The following PTN variants were observed in gnomAD, a reference collection of about 807,000 sequenced individuals.
PTN encodes pleiotrophin.
In PTN, 18 loss-of-function variants were observed where a neutral mutation model predicts 24.1. The ratio of observed to expected loss-of-function variants is 0.75; its 90% CI spans 0.52 to 1.11. PTN has a LOEUF of 1.11. Among genes scored for constraint, PTN ranks in the 50% least tolerant of loss-of-function variants. PTN has a pLI of 0.00. For missense variants in PTN, 163 were observed against 198.8 expected, an observed-to-expected ratio of 0.82 and a Z score of 1.08; for synonymous variants, 78 against 68.6, an observed-to-expected ratio of 1.14 and a Z score of -0.67.
At chr7:137,230,910 T>C (rs374927156) in intron 4 of PTN, among the ~76,000 whole-genome samples, 9 of 151,894 alleles carry the variant, frequency 5.9e-5, no homozygotes, top group Non-Finnish European at 8.8e-5. Context: ...TCTTTGTCTG[T>C]TTTTCTCTCT....
At position 137,311,819 on chromosome 7, in the gene PTN, C is replaced by G. The variant is rs1024241110; in HGVS notation, c.-2+31620G>C. Among the ~76,000 whole-genome samples, 2 of 128,344 alleles carry G rather than the reference C, an allele frequency of 1.6e-5. 1 individual carries two copies. Among genetic ancestry groups the G allele is most frequent in the African/African-American group, 1.0e-4 (2 of 19,456 alleles). The allele number at this position is 128,344 out of a possible 152,430, so 84.2% of individuals were successfully genotyped here. ...CACTGATCACAGATCACCATAAGGA[C>G]ATAATGGTAATAAAAATTTTGAAAT... is the stretch of plus-strand genomic sequence containing the variant. On this transcript the variant is annotated intron_variant, in intron 1 of 4. Transcript: ENST00000348225.
At chr7:137,255,042 C>T (rs1808897123) in intron 1 of PTN, 68 bp from the exon 2 acceptor site, 2 of 1,122,168 alleles carry the variant, frequency 1.8e-6, no homozygotes, top group East Asian at 2.5e-5. Context: ...TTCATTGAAC[C>T]CTTGATGAAA....
chr7:137,252,063 T>C lies in PTN; in HGVS notation c.290-672A>G, dbSNP rs117063723. Among the ~76,000 whole-genome samples, 55 of 152,072 alleles carry C rather than the reference T, an allele frequency of 3.6e-4. No individual in the cohort carries two copies. In the East Asian group the frequency reaches 6.5e-3, roughly 18 times the overall value. ...GAGATAAATTACCAAGAAACTGCTG[T>C]GTTACATGGTAAATGCATGTTTCAT... is the stretch of plus-strand genomic sequence containing the variant. On this transcript the variant is annotated intron_variant, in intron 3 of 4. Coordinates refer to ENST00000348225, the MANE Select transcript of PTN (RefSeq NM_002825.7).
intron 2 of PTN, among the ~76,000 whole-genome samples, chr7:137,254,526 A>T (rs1445471595): frequency 1.4e-5 from 2 of 138,826 alleles, no homozygotes; most frequent in African/African-American, 6.3e-5. Flanking sequence ...AAGGAGAAAA[A>T]CAAGTTGCAG....
chr7:137,339,643 A>G (rs1810504108), intron 1 of PTN, among the ~76,000 whole-genome samples: 1 of 152,122 alleles, frequency 6.6e-6, no homozygotes, highest in African/African-American at 2.4e-5. Context: ...AACATCAGCT[A>G]GGAAGGTCCA....
intron 1 of PTN, among the ~76,000 whole-genome samples, chr7:137,280,500 G>A (rs1333838569): frequency 6.6e-6 from 1 of 151,134 alleles, no homozygotes; most frequent in Admixed American, 6.6e-5. Flanking sequence ...GTGAATTAGG[G>A]GACTTAAGGG....
rs181024120 is a variant in PTN at position 137,261,206 on chromosome 7, G to A, written c.-1-6232C>T. Reference sequence around the variant, plus strand: ...ATCTTTGAAGAATCTTTGTTTGTTCGTTTTGATAATAACAAATGATATTTT... The same window carrying A: ...ATCTTTGAAGAATCTTTGTTTGTTCATTTTGATAATAACAAATGATATTTT... On this transcript the variant is annotated intron_variant, in intron 1 of 4. Coordinates refer to ENST00000348225, the MANE Select transcript of PTN (RefSeq NM_002825.7). Among the ~76,000 whole-genome samples, 276 of 151,620 alleles carry A rather than the reference G, an allele frequency of 1.8e-3. 4 individuals are homozygous for A. The South Asian group carries it at 0.022, about 12-fold the overall frequency.
intron 1 of PTN, among the ~76,000 whole-genome samples, chr7:137,284,472 A>G (rs1809523634): frequency 6.6e-6 from 1 of 152,188 alleles, no homozygotes; most frequent in Admixed American, 6.5e-5. Context: ...CCTAAAGGCT[A>G]AAACTACCAT....
At chr7:137,264,972 ATTTT>A (rs34878730) in intron 1 of PTN, among the ~76,000 whole-genome samples, 1 of 124,922 alleles carries the variant, frequency 8.0e-6, no homozygotes, top group Non-Finnish European at 1.7e-5. Flanking sequence ...TCCAACTGCC[ATTTT>A]TTTTTTTTTT....
At chr7:137,297,610 C>T (rs1409980289) in intron 1 of PTN, among the ~76,000 whole-genome samples, 1 of 151,962 alleles carries the variant, frequency 6.6e-6, no homozygotes, top group Non-Finnish European at 1.5e-5. Context: ...GCCTGAGGAA[C>T]AACCTCTAAA....
chr7:137,243,444 G>C (rs1389945055), intron 4 of PTN, among the ~76,000 whole-genome samples: 1 of 152,138 alleles, frequency 6.6e-6, no homozygotes, highest in Non-Finnish European at 1.5e-5. Context: ...TAGCATCAAT[G>C]CATCATCTAG....
intron 1 of PTN, among the ~76,000 whole-genome samples, chr7:137,283,676 C>G (rs1014521233): frequency 6.6e-6 from 1 of 152,104 alleles, no homozygotes; most frequent in African/African-American, 2.4e-5. Flanking sequence ...CTTCACCATA[C>G]TTTTCGCAAT....
intron 4 of PTN, among the ~76,000 whole-genome samples, chr7:137,228,745 A>C (rs1481789544): frequency 6.6e-6 from 1 of 151,918 alleles, no homozygotes; most frequent in Non-Finnish European, 1.5e-5. Context: ...GATTTCAATC[A>C]AAAGACTCCA....
chr7:137,300,748 T>A (rs570534402), intron 1 of PTN, among the ~76,000 whole-genome samples: 2 of 152,034 alleles, frequency 1.3e-5, no homozygotes, highest in Admixed American at 1.3e-4. Flanking sequence ...TTCGTGTGTC[T>A]CAAATTCTCT....
At chr7:137,240,691 A>T (rs755972560) in intron 4 of PTN, among the ~76,000 whole-genome samples, 10 of 152,208 alleles carry the variant, frequency 6.6e-5, no homozygotes, top group Non-Finnish European at 1.3e-4. Context: ...TGTCTAGAGA[A>T]AGATCAGGCA....
chr7:137,233,895 C>CAT (rs1219086995), intron 4 of PTN, among the ~76,000 whole-genome samples: 1 of 150,490 alleles, frequency 6.6e-6, no homozygotes, highest in African/African-American at 2.5e-5. Context: ...AAGAAACACA[C>CAT]ACACACACAC....
In PTN at chr7:137,343,546, C is replaced by CG. The variant is rs768291843; in HGVS notation, c.-110dup. 5.8e-6 allele frequency: 3 copies of CG among 518,864 alleles called. No homozygotes were observed. The highest frequency in any genetic ancestry group is 1.2e-5 in the Non-Finnish European group (3 of 259,876). The allele number at this position is 518,864 out of a possible 1,614,324, so 32.1% of individuals were successfully genotyped here. A position where few individuals can be genotyped will look rare whatever the true frequency, so the allele number is the denominator to read the frequency against. On this transcript the variant is annotated 5_prime_UTR_variant, in exon 1 of 5. Transcript: ENST00000348225. ...GGCTCGCTGCAGCTCCTGCTTGGGCCGCTGCTGCTCTCCCCGCCTTCTGGA... is the reference window on the plus strand; with the variant it reads ...GGCTCGCTGCAGCTCCTGCTTGGGCCGGCTGCTGCTCTCCCCGCCTTCTGGA...
intron 1 of PTN, among the ~76,000 whole-genome samples, chr7:137,275,339 T>C (rs534392428): frequency 6.6e-6 from 1 of 152,266 alleles, no homozygotes; most frequent in Admixed American, 6.5e-5. Flanking sequence ...GAAGAAAGTA[T>C]GGTATAGATG....
intron 1 of PTN, among the ~76,000 whole-genome samples, chr7:137,324,417 T>TAAAAAAAAAAAAAAAAAAAA (rs1366943397): frequency 3.2e-5 from 2 of 63,474 alleles, no homozygotes; most frequent in African/African-American, 8.5e-5. Context: ...ACCCTGTCTC[T>TAAAAAAAAAAAAAAAAAAAA]AAAAAAAAAA....
Sources: gnomAD v4.1 joint callset for allele counts (sites outside exome capture counted in the v4.1 genomes callset) on GRCh38, gnomAD v4.1.1 for gene constraint, MANE v1.5 for transcripts, NCBI Gene and HGNC (gene_info 2026-07-23, HGNC 2026-07-21) for gene names.